MTUS2: variants seen among roughly 807,000 people sequenced by gnomAD.
MTUS2 encodes microtubule associated scaffold protein 2, also known as microtubule-associated tumor suppressor candidate 2.
MTUS2 carries 40 observed loss-of-function variants against 114.1 expected under a neutral mutation model. That is an observed-to-expected ratio of 0.35 (90% CI 0.27 to 0.46). The LOEUF (loss-of-function observed/expected upper bound fraction) is 0.46, where lower values mean the gene tolerates loss of function less well. MTUS2 is among the 20% of genes least tolerant of loss of function. The pLI is 1.00. For missense variants in MTUS2, 1,679 were observed against 1,705.4 expected, an observed-to-expected ratio of 0.98 and a Z score of 0.27; for synonymous variants, 688 against 672.0, an observed-to-expected ratio of 1.02 and a Z score of -0.37.
chr13:29,486,892 A>G (rs79844952), intron 10 of MTUS2, among the ~76,000 whole-genome samples: 2,073 of 152,270 alleles, frequency 0.014, 55 homozygotes, highest in African/African-American at 0.047. Flanking sequence ...TCATAGGGAG[A>G]GGTCGTTTTA....
chr13:29,029,187 C>T (rs1353973666), intron 3 of MTUS2, among the ~76,000 whole-genome samples: 1 of 152,214 alleles, frequency 6.6e-6, no homozygotes, highest in Non-Finnish European at 1.5e-5. Context: ...TTATAACGGA[C>T]TTCCTACCTC....
chr13:29,173,226 G>C (rs1361323014), intron 5 of MTUS2, among the ~76,000 whole-genome samples: 1 of 152,000 alleles, frequency 6.6e-6, no homozygotes, highest in Non-Finnish European at 1.5e-5. Context: ...CTAAGGGTTT[G>C]TTTATGTTCA....
In MTUS2 at chr13:29,155,240, G is replaced by A. The variant is rs779937603; in HGVS notation, c.2644+54270G>A. 5.3e-5 allele frequency among the ~76,000 whole-genome samples: 8 copies of A among 152,216 alleles called. 1 individual carries two copies. Among genetic ancestry groups the A allele is most frequent in the East Asian group, 1.9e-4 (1 of 5,196 alleles). On this transcript the variant is annotated intron_variant, in intron 5 of 15. Coordinates refer to ENST00000612955, the MANE Select transcript of MTUS2 (RefSeq NM_001033602.4). The stretch of plus-strand genomic sequence containing the variant: ...TGCTTTCTCAGCCTTGAAGAGATGC[G>A]TGGGTTTTTGTAACACCCCAATGGG...
At chr13:29,245,506 A>T (rs570664131) in intron 5 of MTUS2, among the ~76,000 whole-genome samples, 2 of 152,300 alleles carry the variant, frequency 1.3e-5, no homozygotes, top group African/African-American at 4.8e-5. Flanking sequence ...CTTCAGCCTG[A>T]GAGCTGGATT....
chr13:29,033,752 G>A (rs1886933652), intron 3 of MTUS2, 133 bp from the exon 4 acceptor site: 10 of 1,036,844 alleles, frequency 9.6e-6, no homozygotes, highest in South Asian at 1.6e-5. Flanking sequence ...GCCCGGGGAA[G>A]GTAGGGGACT....
intron 2 of MTUS2, among the ~76,000 whole-genome samples, chr13:28,876,645 C>A (rs994707590): frequency 6.6e-6 from 1 of 152,174 alleles, no homozygotes; most frequent in Non-Finnish European, 1.5e-5. Flanking sequence ...CTAGGTTGGG[C>A]CACATTCCTG....
Position 29,430,322 on chromosome 13 carries a change from G to A in MTUS2, c.3118-9661G>A, listed in dbSNP as rs116027397. Among the ~76,000 whole-genome samples the A allele has an allele frequency of 5.5e-3, 834 of 152,184 alleles. 6 individuals are homozygous for A. The highest frequency in any genetic ancestry group is 0.019 in the African/African-American group (802 of 41,556). ...CGAAAGGAGTCTGTTTCCCTATTTT[G>A]TTTTACATTGTTTCCCTATTTTGTT... is the stretch of plus-strand genomic sequence containing the variant. On this transcript the variant is annotated intron_variant, in intron 8 of 15. Coordinates refer to ENST00000612955, the MANE Select transcript of MTUS2 (RefSeq NM_001033602.4).
intron 5 of MTUS2, among the ~76,000 whole-genome samples, chr13:29,183,702 G>C (rs1222412608): frequency 6.6e-6 from 1 of 152,194 alleles, no homozygotes; most frequent in Non-Finnish European, 1.5e-5. Flanking sequence ...AGTGAAGTTG[G>C]AGGGAAACTA....
chr13:29,068,078 T>G (rs1888743646), intron 4 of MTUS2, among the ~76,000 whole-genome samples: 1 of 152,228 alleles, frequency 6.6e-6, no homozygotes, highest in Non-Finnish European at 1.5e-5. Flanking sequence ...GACAAACTAG[T>G]GAATTACTGA....
At chr13:29,420,217 TCTTC>T (rs967915389) in intron 8 of MTUS2, among the ~76,000 whole-genome samples, 1 of 151,930 alleles carries the variant, frequency 6.6e-6, no homozygotes, top group Non-Finnish European at 1.5e-5. Flanking sequence ...TGCTCTTTTT[TCTTC>T]CTTCCTTCCT....
At chr13:28,974,598 G>A (rs1436871944) in intron 2 of MTUS2, among the ~76,000 whole-genome samples, 1 of 152,114 alleles carries the variant, frequency 6.6e-6, no homozygotes, top group Non-Finnish European at 1.5e-5. Flanking sequence ...CTTAATACAA[G>A]GCTTGTTATA....
intron 2 of MTUS2, among the ~76,000 whole-genome samples, chr13:28,985,899 C>G (rs1434143505): frequency 6.6e-6 from 1 of 152,142 alleles, no homozygotes; most frequent in East Asian, 1.9e-4. Flanking sequence ...GCAGCATTAG[C>G]TCTTCCCTGG....
At chr13:29,173,095 G>A (rs116689827) in intron 5 of MTUS2, among the ~76,000 whole-genome samples, 1 of 151,776 alleles carries the variant, frequency 6.6e-6, no homozygotes, top group African/African-American at 2.4e-5. Context: ...AATTGCACCT[G>A]CTTTTTTTAT....
intron 2 of MTUS2, among the ~76,000 whole-genome samples, chr13:28,880,218 G>A (rs1023392791): frequency 1.3e-5 from 2 of 152,160 alleles, no homozygotes; most frequent in Admixed American, 1.3e-4. Context: ...AGCATTTACT[G>A]TTGGTGAAGT....
intron 5 of MTUS2, among the ~76,000 whole-genome samples, chr13:29,112,328 C>G (rs1205292279): frequency 6.6e-6 from 1 of 152,096 alleles, no homozygotes; most frequent in East Asian, 1.9e-4. Flanking sequence ...ATCACCAAAG[C>G]TGAGGGAGAG....
intron 5 of MTUS2, among the ~76,000 whole-genome samples, chr13:29,276,267 G>A (rs879588109): frequency 6.6e-6 from 1 of 152,128 alleles, no homozygotes; most frequent in Admixed American, 6.6e-5. Flanking sequence ...AGAGAGATTC[G>A]GTTCATGTAT....
chr13:29,336,463 G>A (rs572235941), intron 7 of MTUS2, among the ~76,000 whole-genome samples: 1 of 152,252 alleles, frequency 6.6e-6, no homozygotes, highest in East Asian at 1.9e-4. Flanking sequence ...TGGGTATCAC[G>A]AGCGGAGGCT....
At chr13:29,494,287 T>C (rs879281034) in intron 12 of MTUS2, among the ~76,000 whole-genome samples, 6 of 152,218 alleles carry the variant, frequency 3.9e-5, no homozygotes, top group Non-Finnish European at 7.3e-5. Flanking sequence ...TTGTGATTAT[T>C]GTCATGCTGT....
In MTUS2 at chr13:29,106,591, G is replaced by A. The variant is rs539464588; in HGVS notation, c.2644+5621G>A. Among the ~76,000 whole-genome samples, 8 of 152,280 alleles carry A rather than the reference G, an allele frequency of 5.3e-5. No individual in the cohort carries two copies. The East Asian group carries it at 1.5e-3, about 29-fold the overall frequency. On this transcript the variant is annotated intron_variant, in intron 5 of 15. Transcript: ENST00000612955. ...AGGCTGGTCTTGAACTCCTGACCTT[G>A]TGATCCACCTGCCTCGGCCTCCCAA...
Sources: allele counts gnomAD v4.1 joint callset (sites outside exome capture counted in the v4.1 genomes callset), GRCh38; gene constraint gnomAD v4.1.1; transcripts MANE v1.5; gene names NCBI Gene and HGNC (gene_info 2026-07-23, HGNC 2026-07-21).